Variants in TNFRSF10B observed in about 807,000 individuals in gnomAD.
The protein encoded by TNFRSF10B is TNF receptor superfamily member 10b, also known as tumor necrosis factor receptor superfamily member 10B.
A neutral mutation model predicts 41.4 loss-of-function variants in TNFRSF10B; 35 were observed. The ratio of observed to expected loss-of-function variants is 0.85; its 90% CI spans 0.65 to 1.12. The LOEUF (loss-of-function observed/expected upper bound fraction) is 1.12. Ranked by LOEUF, TNFRSF10B falls within the 50% of genes most tolerant of loss-of-function variation. The pLI, the probability that TNFRSF10B is intolerant of heterozygous loss-of-function variation, is 0.00. For missense variants in TNFRSF10B, 584 were observed against 552.7 expected, an observed-to-expected ratio of 1.06 and a Z score of -0.57; for synonymous variants, 230 against 215.5, an observed-to-expected ratio of 1.07 and a Z score of -0.59.
In TNFRSF10B at chr8:23,037,139, G is replaced by A. The variant is rs553849045; in HGVS notation, c.250+5999C>T. 6.2e-4 allele frequency among the ~76,000 whole-genome samples: 94 copies of A among 152,306 alleles called. 1 individual carries two copies. Among genetic ancestry groups the A allele is most frequent in the South Asian group, 4.8e-3 (23 of 4,820 alleles). ...TAGCAGGGAAGGATTTTAATAATCA[G>A]GTGGATAGGATGACCTGTTCTGTGA... On this transcript the variant is annotated intron_variant, in intron 2 of 8. Coordinates refer to ENST00000276431, the MANE Select transcript of TNFRSF10B (RefSeq NM_003842.5).
intron 1 of TNFRSF10B, among the ~76,000 whole-genome samples, chr8:23,047,287 G>A (rs1249422961): frequency 6.6e-6 from 1 of 151,288 alleles, no homozygotes; most frequent in Admixed American, 6.6e-5. Context: ...AACCCAGGAG[G>A]TGGAGGTTGC....
chr8:23,027,088 G>C (rs17088897), intron 7 of TNFRSF10B, 45 bp downstream of exon 7: 115,871 of 1,612,616 alleles, frequency 0.072, 5,363 homozygotes, highest in East Asian at 0.2. Flanking sequence ...CGAAATCCCA[G>C]GTGAGCAGCA....
chr8:23,029,331 A>C (rs1053715141), intron 4 of TNFRSF10B, among the ~76,000 whole-genome samples: 2 of 152,226 alleles, frequency 1.3e-5, no homozygotes, highest in African/African-American at 4.8e-5. Flanking sequence ...AGAGAAATTA[A>C]ATCATTTCAT....
At chr8:23,026,259 A>C (rs573746669) in intron 7 of TNFRSF10B, among the ~76,000 whole-genome samples, 1 of 134,922 alleles carries the variant, frequency 7.4e-6, no homozygotes, top group Non-Finnish European at 1.6e-5. Context: ...TTCAAGGATA[A>C]GATCTAGTTT....
chr8:23,045,060 C>CAAAAAAAAA (rs35953846), intron 1 of TNFRSF10B, among the ~76,000 whole-genome samples: 114 of 38,804 alleles, frequency 2.9e-3, no homozygotes, highest in African/African-American at 5.3e-3. Flanking sequence ...TAATAAAATA[C>CAAAAAAAAA]AAAAAAAAAA....
intron 1 of TNFRSF10B, among the ~76,000 whole-genome samples, chr8:23,052,932 A>G (rs1812566167): frequency 6.6e-6 from 1 of 152,228 alleles, no homozygotes. Flanking sequence ...TTATACAAGA[A>G]GGGCTCCTGT....
chr8:23,023,304 A>AC (rs1189275371), intron 8 of TNFRSF10B, among the ~76,000 whole-genome samples: 10 of 152,188 alleles, frequency 6.6e-5, no homozygotes, highest in South Asian at 2.1e-4. Context: ...GGAGGGAGAG[A>AC]CAGTGGCTGC....
At position 23,021,774 on chromosome 8, in the gene TNFRSF10B, T is replaced by C. The variant is rs1037595593; in HGVS notation, c.*897A>G. On this transcript the variant is annotated 3_prime_UTR_variant, in exon 9 of 9. Coordinates refer to ENST00000276431, the MANE Select transcript of TNFRSF10B (RefSeq NM_003842.5). ...TGGCCCCTGTAGAAGTTGCCAATCA[T>C]TGAAGCCAAAGTACATCTGAGGGAG... 4.4e-6 allele frequency: 2 copies of C among 454,010 alleles called. No homozygotes were observed. Among genetic ancestry groups the C allele is most frequent in the African/African-American group, 2.0e-5 (1 of 50,002 alleles). The allele number at this position is 454,010 out of a possible 1,614,324, so 28.1% of individuals were successfully genotyped here.
intron 8 of TNFRSF10B, 93 bp from the exon 9 acceptor site, chr8:23,023,077 C>T: frequency 6.7e-7 from 1 of 1,492,040 alleles, no homozygotes. Context: ...GGCGGGGAAC[C>T]TGGAGAGCCC....
At chr8:23,036,392 G>C (rs986294307) in intron 2 of TNFRSF10B, among the ~76,000 whole-genome samples, 2 of 152,156 alleles carry the variant, frequency 1.3e-5, no homozygotes, top group Non-Finnish European at 2.9e-5. Context: ...ACTTTCTTTT[G>C]CCTGGCCTGC....
chr8:23,046,443 G>A (rs962079554), intron 1 of TNFRSF10B, among the ~76,000 whole-genome samples: 7 of 151,806 alleles, frequency 4.6e-5, no homozygotes, highest in East Asian at 1.9e-4. Flanking sequence ...CAAATAAAAC[G>A]GAAAGAGACA....
At chr8:23,033,837 G>A (rs1056932811) in intron 2 of TNFRSF10B, among the ~76,000 whole-genome samples, 1 of 152,040 alleles carries the variant, frequency 6.6e-6, no homozygotes, top group Non-Finnish European at 1.5e-5. Flanking sequence ...AAGCGAGAGA[G>A]AGCAAGTTGT....
intron 1 of TNFRSF10B, among the ~76,000 whole-genome samples, chr8:23,062,103 G>A (rs1275485106): frequency 6.6e-6 from 1 of 152,028 alleles, no homozygotes; most frequent in Non-Finnish European, 1.5e-5. Flanking sequence ...GAGAAGTAGT[G>A]GTATTAGCTC....
In TNFRSF10B at chr8:23,043,206, A is replaced by T; in HGVS notation, c.182T>A (p.Leu61Gln). Reference sequence around the variant, plus strand: ...TGGGGCCGCTCTCTGCTGGGGAGCTAGGTCTTGTTGGGTGATCAGAGCAGA... The same window carrying T: ...TGGGGCCGCTCTCTGCTGGGGAGCTTGGTCTTGTTGGGTGATCAGAGCAGA... ...AESALITQQD[L>Q]APQQRAAPQQ... The change falls in exon 2 of 9, where the codon CTA (leucine) becomes CAA (glutamine). Residue 61 changes from leucine (L) to glutamine (Q), a missense_variant. By Grantham distance (113) the Leu-to-Gln change is moderately radical (BLOSUM62 -2). Coordinates refer to ENST00000276431, the MANE Select transcript of TNFRSF10B (RefSeq NM_003842.5). 6.2e-7 allele frequency: 1 copy of T among 1,614,062 alleles called. No homozygotes were observed. The highest frequency in any genetic ancestry group is 1.1e-5 in the South Asian group (1 of 91,070).
intron 1 of TNFRSF10B, among the ~76,000 whole-genome samples, chr8:23,056,723 G>A (rs985483335): frequency 6.6e-6 from 1 of 150,750 alleles, no homozygotes; most frequent in African/African-American, 2.4e-5. Flanking sequence ...ATTATATTTT[G>A]AAATATTTTT....
chr8:23,065,272 A>G (rs1183747787), intron 1 of TNFRSF10B, among the ~76,000 whole-genome samples: 1 of 152,214 alleles, frequency 6.6e-6, no homozygotes, highest in Non-Finnish European at 1.5e-5. Flanking sequence ...CTGTGGCCTC[A>G]GCTCACTGCG....
chr8:23,046,193 A>C (rs1398497626), intron 1 of TNFRSF10B, among the ~76,000 whole-genome samples: 2 of 152,222 alleles, frequency 1.3e-5, no homozygotes, highest in East Asian at 3.8e-4. Flanking sequence ...GAAAACCCTG[A>C]AGACTCCACC....
At chr8:23,046,609 C>T (rs1332048454) in intron 1 of TNFRSF10B, among the ~76,000 whole-genome samples, 2 of 91,678 alleles carry the variant, frequency 2.2e-5, no homozygotes, top group African/African-American at 1.3e-4. Context: ...AATTCATATG[C>T]AACCATAAAA....
rs777269036 is a variant in TNFRSF10B at position 23,021,231 on chromosome 8, C to T, written c.*1440G>A. ...AGGACACAAGAAGAAAACCTTAATG[C>T]GTCAGCCATTCTAGGTCCTGTTGCC... On this transcript the variant is annotated 3_prime_UTR_variant, in exon 9 of 9. Transcript: ENST00000276431. 61 of 453,980 alleles carry T rather than the reference C, an allele frequency of 1.3e-4. No individual in the cohort carries two copies. The highest frequency in any genetic ancestry group is 2.5e-4 in the Non-Finnish European group (56 of 226,794). 28.1% of individuals were successfully genotyped at this position (453,980 alleles called of 1,614,324 possible). A position where few individuals can be genotyped will look rare whatever the true frequency, so the allele number is the denominator to read the frequency against.
Sources: allele counts gnomAD v4.1 joint callset (sites outside exome capture counted in the v4.1 genomes callset), GRCh38; gene constraint gnomAD v4.1.1; transcripts MANE v1.5; gene names NCBI Gene and HGNC (gene_info 2026-07-23, HGNC 2026-07-21).